LINGO2: variants seen among roughly 807,000 people sequenced by gnomAD.
LINGO2 encodes the protein leucine-rich repeat and immunoglobulin-like domain-containing nogo receptor-interacting protein 2.
LINGO2 carries 14 observed loss-of-function variants against 30.6 expected under a neutral mutation model. That is an observed-to-expected ratio of 0.46 (90% confidence interval 0.30 to 0.72). The LOEUF is 0.72. LINGO2 is among the 30% of genes least tolerant of loss of function. LINGO2 has a pLI of 0.07. For synonymous variants in LINGO2, 317 were observed against 288.5 expected (o/e 1.10, Z -1.00); for missense variants, 729 against 751.7 (o/e 0.97, Z 0.35).
At chr9:28,089,576 G>A (rs576588780) in intron 4 of LINGO2, among the ~76,000 whole-genome samples, 1 of 152,122 alleles carries the variant, frequency 6.6e-6, no homozygotes, top group Non-Finnish European at 1.5e-5. Flanking sequence ...TGTGTAGAGG[G>A]AAATTTATAG....
chr9:28,371,279 G>C (rs1003108483), intron 3 of LINGO2, among the ~76,000 whole-genome samples: 1 of 152,172 alleles, frequency 6.6e-6, no homozygotes, highest in African/African-American at 2.4e-5. Context: ...GAACACTAGT[G>C]TTTTAGTTTG....
the LINGO2 span, among the ~76,000 whole-genome samples, chr9:29,203,783 C>T: frequency 6.6e-6 from 1 of 152,158 alleles, no homozygotes; most frequent in Non-Finnish European, 1.5e-5. Flanking sequence ...CACACTTACT[C>T]ACTCTGACAT....
the LINGO2 span, among the ~76,000 whole-genome samples, chr9:29,160,495 T>A: frequency 6.6e-6 from 1 of 152,250 alleles, no homozygotes; most frequent in South Asian, 2.1e-4. Context: ...AAGTGACCAT[T>A]AAATATTATC....
At chr9:29,060,570 T>C in the LINGO2 span, among the ~76,000 whole-genome samples, 7 of 152,066 alleles carry the variant, frequency 4.6e-5, no homozygotes, top group African/African-American at 1.4e-4. Flanking sequence ...ATAACTCACA[T>C]ATTGGAAATA....
At chr9:28,055,077 C>A (rs910105572) in intron 4 of LINGO2, among the ~76,000 whole-genome samples, 25 of 151,982 alleles carry the variant, frequency 1.6e-4, no homozygotes, top group African/African-American at 2.4e-4. Flanking sequence ...AGATGGTAAT[C>A]AAAAATTTCC....
intron 2 of LINGO2, among the ~76,000 whole-genome samples, chr9:28,425,346 A>ACAC: frequency 7.3e-6 from 1 of 137,046 alleles, no homozygotes; most frequent in South Asian, 2.4e-4. Flanking sequence ...TATATATATA[A>ACAC]ACACATACAT....
At chr9:29,179,089 G>C in the LINGO2 span, among the ~76,000 whole-genome samples, 1 of 149,136 alleles carries the variant, frequency 6.7e-6, no homozygotes. Context: ...AGGGCCAAGA[G>C]ACCTTGTTAA....
chr9:28,693,974 C>A, the LINGO2 span, among the ~76,000 whole-genome samples: 1 of 151,694 alleles, frequency 6.6e-6, no homozygotes, highest in Non-Finnish European at 1.5e-5. Context: ...ATACACTGAC[C>A]CCATCAAAAT....
At chr9:28,403,069 C>T (rs1374818430) in intron 2 of LINGO2, among the ~76,000 whole-genome samples, 1 of 152,126 alleles carries the variant, frequency 6.6e-6, no homozygotes, top group Non-Finnish European at 1.5e-5. Flanking sequence ...TGTGAACTTT[C>T]ATTAAGATAA....
At chr9:28,610,788 G>A (rs1188379256) in intron 1 of LINGO2, among the ~76,000 whole-genome samples, 1 of 152,126 alleles carries the variant, frequency 6.6e-6, no homozygotes, top group African/African-American at 2.4e-5. Flanking sequence ...TGGGCAGAAG[G>A]TGTAACACTC....
chr9:29,009,000 C>T, the LINGO2 span, among the ~76,000 whole-genome samples: 1 of 152,268 alleles, frequency 6.6e-6, no homozygotes, highest in Non-Finnish European at 1.5e-5. Context: ...ATGCTAAAAA[C>T]TCTCAATAAA....
the LINGO2 span, among the ~76,000 whole-genome samples, chr9:28,841,778 A>T: frequency 6.6e-6 from 1 of 151,766 alleles, no homozygotes; most frequent in Non-Finnish European, 1.5e-5. Context: ...ATCAAACAAA[A>T]ATGAAGCTAA....
the LINGO2 span, among the ~76,000 whole-genome samples, chr9:29,072,269 G>C: frequency 6.6e-6 from 1 of 151,934 alleles, no homozygotes; most frequent in Admixed American, 6.6e-5. Context: ...CTGATTTCTT[G>C]ATATATGTAA....
At chr9:28,474,916 T>A (rs1227117091) in intron 2 of LINGO2, among the ~76,000 whole-genome samples, 1 of 152,198 alleles carries the variant, frequency 6.6e-6, no homozygotes, top group African/African-American at 2.4e-5. Flanking sequence ...TGATAATAAA[T>A]AAGAATAAAA....
chr9:28,922,665 T>C, the LINGO2 span, among the ~76,000 whole-genome samples: 1 of 152,164 alleles, frequency 6.6e-6, no homozygotes, highest in East Asian at 1.9e-4. Context: ...AAGCATTTAT[T>C]GATATTAAGT....
At chr9:28,900,289 A>G in the LINGO2 span, among the ~76,000 whole-genome samples, 1 of 152,162 alleles carries the variant, frequency 6.6e-6, no homozygotes, top group Admixed American at 6.5e-5. Context: ...GTATCAGGCC[A>G]GACCCTAAGG....
At chr9:28,883,628 G>GTGTGTGTGTATGTA in the LINGO2 span, among the ~76,000 whole-genome samples, 2 of 64,180 alleles carry the variant, frequency 3.1e-5, no homozygotes, top group Middle Eastern at 0.01. Context: ...ATGTGTGTGT[G>GTGTGTGTGTATGTA]TATATATATA....
chr9:28,229,735 T>C (rs939496563), intron 4 of LINGO2, among the ~76,000 whole-genome samples: 1 of 151,830 alleles, frequency 6.6e-6, no homozygotes, highest in African/African-American at 2.4e-5. Context: ...CTTTCAGTTC[T>C]TTTATCAATC....
intron 4 of LINGO2, among the ~76,000 whole-genome samples, chr9:28,216,914 C>A (rs1820786748): frequency 6.6e-6 from 1 of 151,720 alleles, no homozygotes; most frequent in African/African-American, 2.4e-5. Flanking sequence ...AAACTTTATT[C>A]TCTTGCGCAC....
Sources: allele counts gnomAD v4.1 joint callset (sites outside exome capture counted in the v4.1 genomes callset), GRCh38; gene constraint gnomAD v4.1.1; transcripts MANE v1.5; gene names NCBI Gene and HGNC (gene_info 2026-07-23, HGNC 2026-07-21).